IPO9: variants seen among roughly 807,000 people sequenced by gnomAD.
IPO9 encodes the protein importin-9.
A neutral mutation model predicts 128.6 loss-of-function variants in IPO9; 28 were observed. That is an observed-to-expected ratio of 0.22 (90% confidence interval 0.16 to 0.30). The LOEUF (loss-of-function observed/expected upper bound fraction) is 0.30. Among genes scored for constraint, IPO9 ranks in the 10% least tolerant of loss-of-function variants. The pLI is 1.00. For synonymous variants in IPO9, 455 were observed against 475.8 expected, an observed-to-expected ratio of 0.96 and a Z score of 0.57; for missense variants, 935 against 1,293.9, an observed-to-expected ratio of 0.72 and a Z score of 4.26.
chr1:201,847,446 T>G, intron 2 of IPO9, 106 bp downstream of exon 2: 2 of 1,351,870 alleles, frequency 1.5e-6, no homozygotes, highest in Non-Finnish European at 2.1e-6. Flanking sequence ...CCTAGGATGT[T>G]GTGCCAGATT....
chr1:201,846,565 G>A (rs1277880816), intron 1 of IPO9, among the ~76,000 whole-genome samples: 4 of 151,922 alleles, frequency 2.6e-5, no homozygotes, highest in Non-Finnish European at 4.4e-5. Context: ...GTAGAGACGG[G>A]GTTTTCACCA....
At chr1:201,844,137 G>T (rs565201353) in intron 1 of IPO9, among the ~76,000 whole-genome samples, 3 of 152,022 alleles carry the variant, frequency 2.0e-5, no homozygotes, top group African/African-American at 7.2e-5. Flanking sequence ...CCTAGATTTG[G>T]ATCAGTTACA....
Position 201,863,444 on chromosome 1 carries a change from C to T in IPO9, c.1469-4C>T, listed in dbSNP as rs1680488919. On this transcript the variant is annotated splice_region_variant and splice_polypyrimidine_tract_variant and intron_variant, in intron 13 of 23. Coordinates refer to ENST00000361565, the MANE Select transcript of IPO9 (RefSeq NM_018085.5). ...AGCCCCTAATTGTTCTGTCTTTCTC[C>T]CAGTGTCTCCTTTCCTCTTGGGCCG... 1 of 1,563,612 alleles carries T rather than the reference C, an allele frequency of 6.4e-7. No homozygotes were observed. The highest frequency in any genetic ancestry group is 1.1e-5 in the South Asian group (1 of 87,006).
chr1:201,832,503 C>G (rs1290621400), intron 1 of IPO9, among the ~76,000 whole-genome samples: 1 of 152,244 alleles, frequency 6.6e-6, no homozygotes, highest in South Asian at 2.1e-4. Flanking sequence ...AAGCAGTCTG[C>G]CCACCTCAGC....
At position 201,875,218 on chromosome 1, in the gene IPO9, T is replaced by C. The variant is rs778255232; in HGVS notation, c.3005T>C (p.Ile1002Thr). The C allele has an allele frequency of 9.9e-6, 16 of 1,613,632 alleles. No homozygotes were observed. Among genetic ancestry groups the C allele is most frequent in the Non-Finnish European group, 1.4e-5 (16 of 1,179,634 alleles). ...PDALKDPLYQIDLQAYLTDFL... is the reference protein window; with the variant it reads ...PDALKDPLYQTDLQAYLTDFL... ...GCCCTGAAGGATCCTCTCTATCAGA[T>C]TGATCTGCAGGTGAGGGTGTCCAGA... Residue 1002 changes from isoleucine to threonine, a missense_variant, in exon 23 of 24, where the codon ATT (isoleucine) becomes ACT (threonine). Ile to Thr is a moderately conservative substitution (Grantham distance 89). Around this residue, in one of 3 missense-constraint regions of IPO9, gnomAD observed 188 missense variants for 246.7 expected, o/e 0.76. Transcript: ENST00000361565.
rs986851241 is a variant in IPO9 at position 201,850,866 on chromosome 1, A to G, written c.515-1238A>G. On this transcript the variant is annotated intron_variant, in intron 4 of 23. Transcript: ENST00000361565. ...AAATTACAGCTGTAAAGAAAATTCAACCTTGAGTATTTGATCTTCATTTGA... is the reference window on the plus strand; with the variant it reads ...AAATTACAGCTGTAAAGAAAATTCAGCCTTGAGTATTTGATCTTCATTTGA... 7 of 152,316 alleles carry G rather than the reference A, an allele frequency of 4.6e-5. No individual in the cohort carries two copies. In the East Asian group the frequency reaches 5.8e-4, roughly 13 times the overall value. The allele number at this position is 152,316 out of a possible 1,614,324, so 9.4% of individuals were successfully genotyped here.
intron 20 of IPO9, 130 bp downstream of exon 20, chr1:201,873,091 A>C (rs778184705): frequency 4.7e-5 from 52 of 1,106,942 alleles, no homozygotes; most frequent in South Asian, 3.1e-4. Context: ...GATAAAGAAG[A>C]AGCAGGAAAC....
At position 201,876,306 on chromosome 1, in the gene IPO9, ACT is replaced by A. The variant is rs1303880489; in HGVS notation, c.*255_*256del. ...ATCTCTAGAACCTTTTTTCTCCCCG[ACT>A]CTACCCCCACCTCTGTTCCTAGAGC... On this transcript the variant is annotated 3_prime_UTR_variant, in exon 24 of 24. Coordinates refer to ENST00000361565, the MANE Select transcript of IPO9 (RefSeq NM_018085.5). The A allele has an allele frequency of 6.7e-6, 4 of 601,116 alleles. No homozygotes were observed. Among genetic ancestry groups the A allele is most frequent in the South Asian group, 1.8e-5 (1 of 56,286 alleles). The allele number at this position is 601,116 out of a possible 1,614,324, so 37.2% of individuals were successfully genotyped here.
Position 201,874,873 on chromosome 1 carries a change from G to A in IPO9, c.2875G>A (p.Glu959Lys). 2.5e-6 allele frequency: 4 copies of A among 1,613,294 alleles called. No individual in the cohort carries two copies. Among genetic ancestry groups the A allele is most frequent in the East Asian group, 2.2e-5 (1 of 44,880 alleles). ...DMWEDQEEEE[E>K]EEEDGLAGQL... ...GTGGGAGGACCAGGAGGAGGAAGAG[G>A]AGGAGGAGGAGGATGGTTTAGCTGG... The change falls in exon 22 of 24, where the codon GAG becomes AAG. Residue 959 changes from glutamate (E) to lysine (K), a missense_variant. Coordinates refer to ENST00000361565, the MANE Select transcript of IPO9 (RefSeq NM_018085.5).
In IPO9 at chr1:201,878,960, AAAG is replaced by A. The variant is rs1376856794; in HGVS notation, c.*2908_*2910del. On this transcript the variant is annotated 3_prime_UTR_variant, in exon 24 of 24. Transcript: ENST00000361565. ...GTAAGACAAATGAGGTAAAAATAAA[AAAG>A]AGCACTTAGCTGCTCTGAGACATTT... The A allele has an allele frequency of 6.6e-6, 1 of 152,220 alleles. No homozygotes were observed. The highest frequency in any genetic ancestry group is 1.5e-5 in the Non-Finnish European group (1 of 68,042). 9.4% of individuals were successfully genotyped at this position (152,220 alleles called of 1,614,324 possible). A position where few individuals can be genotyped will look rare whatever the true frequency, so the allele number is the denominator to read the frequency against.
At chr1:201,841,222 T>G (rs2102870909) in intron 1 of IPO9, among the ~76,000 whole-genome samples, 1 of 152,334 alleles carries the variant, frequency 6.6e-6, no homozygotes, top group East Asian at 1.9e-4. Context: ...TAAAATAGTA[T>G]TTGACTGCAT....
intron 19 of IPO9, among the ~76,000 whole-genome samples, chr1:201,872,352 G>A (rs1457401579): frequency 6.6e-6 from 1 of 152,068 alleles, no homozygotes; most frequent in African/African-American, 2.4e-5. Context: ...AGAAGAACAG[G>A]TCACCTGTAA....
At chr1:201,869,238 G>A (rs935341205) in intron 16 of IPO9, among the ~76,000 whole-genome samples, 2 of 152,292 alleles carry the variant, frequency 1.3e-5, no homozygotes, top group South Asian at 4.2e-4. Context: ...GTGACAGAGC[G>A]AGACTGCCTC....
In IPO9 at chr1:201,853,076, T is replaced by C; in HGVS notation, c.669T>C (p.Cys223=). The C allele has an allele frequency of 6.2e-7, 1 of 1,614,126 alleles. No homozygotes were observed. The highest frequency in any genetic ancestry group is 8.5e-7 in the Non-Finnish European group (1 of 1,179,988). The change falls in exon 6 of 24, where the codon TGT becomes TGC. Residue 223 remains cysteine (C), a synonymous_variant. Coordinates refer to ENST00000361565, the MANE Select transcript of IPO9 (RefSeq NM_018085.5). The part of the protein sequence containing the change: ...EIFTTCAHMI[C]NMEELEKGAA... ...TTACCACTTGTGCCCATATGATCTG[T>C]AACATGGAGGAGCTGGAAAAGGTAA... is the stretch of plus-strand genomic sequence containing the variant.
Position 201,855,318 on chromosome 1 carries a change from T to A in IPO9, c.970+136T>A, listed in dbSNP as rs1322123255. ...TTTCTAATTCAGTTTATTTTCGATG[T>A]ATTCGATGTGGGGAAATGAGAATTG... On this transcript the variant is annotated intron_variant, in intron 9 of 23. Coordinates refer to ENST00000361565, the MANE Select transcript of IPO9 (RefSeq NM_018085.5). The A allele has an allele frequency of 6.8e-6, 4 of 589,676 alleles. No homozygotes were observed. In the African/African-American group the frequency reaches 7.4e-5, roughly 11 times the overall value. 36.5% of individuals were successfully genotyped at this position (589,676 alleles called of 1,614,324 possible).
intron 1 of IPO9, among the ~76,000 whole-genome samples, chr1:201,839,611 G>C (rs1401171607): frequency 1.3e-5 from 2 of 149,278 alleles, no homozygotes; most frequent in African/African-American, 4.9e-5. Context: ...GTAGCCATTT[G>C]GAATTAGACC....
rs1327146972 is a variant in IPO9, at chr1:201,851,120, A to AGCCTCCT, written c.515-978_515-972dup. ...AACCTTGACCTCCTGGGCTCAAGCG[A>AGCCTCCT]GCCTCCTGCCTCAGCATCCTAAGTA... On this transcript the variant is annotated intron_variant, in intron 4 of 23. Coordinates refer to ENST00000361565, the MANE Select transcript of IPO9 (RefSeq NM_018085.5). 2.6e-5 allele frequency among the ~76,000 whole-genome samples: 4 copies of AGCCTCCT among 150,988 alleles called. No homozygotes were observed. The South Asian group carries it at 6.3e-4, about 24-fold the overall frequency.
chr1:201,874,779 A>G, intron 21 of IPO9, 53 bp from the exon 22 acceptor site: 4 of 1,250,330 alleles, frequency 3.2e-6, no homozygotes, highest in Non-Finnish European at 3.5e-6. Context: ...GGATTTGGGG[A>G]GGGAAAATGC....
At chr1:201,871,359 T>C in intron 19 of IPO9, 32 bp downstream of exon 19, 2 of 1,016,838 alleles carry the variant, frequency 2.0e-6, no homozygotes, top group Non-Finnish European at 1.4e-6. Flanking sequence ...CTGGGCATTC[T>C]GCCACCACTC....
Sources: gnomAD v4.1 joint callset for allele counts (sites outside exome capture counted in the v4.1 genomes callset) on GRCh38, gnomAD v4.1.1 for gene constraint, gnomAD v4.1.1 regional missense constraint, MANE v1.5 for transcripts, NCBI Gene and HGNC (gene_info 2026-07-23, HGNC 2026-07-21) for gene names.